The following TBC1D15 variants were observed in gnomAD, a reference collection of about 807,000 sequenced individuals.
TBC1D15 encodes the protein GAP for RAB7.
A neutral mutation model predicts 95.4 loss-of-function variants in TBC1D15; 39 were observed. The ratio of observed to expected loss-of-function variants is 0.41; its 90% CI spans 0.32 to 0.53. The LOEUF (loss-of-function observed/expected upper bound fraction) is 0.53. Ranked by LOEUF, TBC1D15 falls within the 20% of genes least tolerant of loss-of-function variation. The pLI, the probability that TBC1D15 is intolerant of heterozygous loss-of-function variation, is 0.29. For synonymous variants in TBC1D15, 258 were observed against 261.3 expected (o/e 0.99, Z 0.12); for missense variants, 733 against 794.3 (o/e 0.92, Z 0.93).
At chr12:71,878,717 A>G (rs1053301246) in intron 3 of TBC1D15, among the ~76,000 whole-genome samples, 6 of 151,394 alleles carry the variant, frequency 4.0e-5, no homozygotes, top group South Asian at 2.1e-4. Flanking sequence ...GGGTTTTGCC[A>G]TGTTGTCCAG....
At position 71,846,272 on chromosome 12, in the gene TBC1D15, G is replaced by A. The variant is rs1200332291; in HGVS notation, c.30+6461G>A. Reference sequence around the variant, plus strand: ...GGAAGTTTTATAAATGTACTTATCTGCTTGGGCATCTTAGCAAATATTTAA... The same window carrying A: ...GGAAGTTTTATAAATGTACTTATCTACTTGGGCATCTTAGCAAATATTTAA... On this transcript the variant is annotated intron_variant, in intron 1 of 16. Coordinates refer to ENST00000485960, the MANE Select transcript of TBC1D15 (RefSeq NM_001146213.3). 3.3e-5 allele frequency among the ~76,000 whole-genome samples: 5 copies of A among 152,148 alleles called. No individual in the cohort carries two copies. In the East Asian group the frequency reaches 9.6e-4, roughly 29 times the overall value.
chr12:71,844,274 G>T (rs1885773390), intron 1 of TBC1D15, among the ~76,000 whole-genome samples: 1 of 152,144 alleles, frequency 6.6e-6, no homozygotes, highest in African/African-American at 2.4e-5. Flanking sequence ...TCTGTCTTCA[G>T]GATAAATTTC....
intron 1 of TBC1D15, among the ~76,000 whole-genome samples, chr12:71,840,880 T>A (rs1884808189): frequency 1.3e-5 from 2 of 152,218 alleles, no homozygotes. Flanking sequence ...AATTGGGCAA[T>A]TGTGACTTTT....
intron 5 of TBC1D15, among the ~76,000 whole-genome samples, chr12:71,892,534 G>A (rs7310115): frequency 0.028 from 4,192 of 151,956 alleles, 196 homozygotes; most frequent in African/African-American, 0.094. Context: ...GTCTGTTTTG[G>A]AAACATTTTG....
chr12:71,908,958 G>A (rs916340029), intron 11 of TBC1D15, among the ~76,000 whole-genome samples: 27 of 152,150 alleles, frequency 1.8e-4, no homozygotes, highest in African/African-American at 6.0e-4. Flanking sequence ...TTTAGTTTCT[G>A]TTACCACTGT....
intron 1 of TBC1D15, among the ~76,000 whole-genome samples, chr12:71,870,729 T>C (rs1271859004): frequency 1.3e-5 from 2 of 152,254 alleles, no homozygotes; most frequent in East Asian, 3.8e-4. Context: ...TTCACACAAA[T>C]GGGCTTCTCA....
At chr12:71,859,207 A>G (rs946065017) in intron 1 of TBC1D15, among the ~76,000 whole-genome samples, 1 of 152,186 alleles carries the variant, frequency 6.6e-6, no homozygotes, top group African/African-American at 2.4e-5. Context: ...CCAGTAGCAT[A>G]GATTCAAGTT....
At chr12:71,853,268 A>G (rs899699249) in intron 1 of TBC1D15, among the ~76,000 whole-genome samples, 2 of 152,178 alleles carry the variant, frequency 1.3e-5, no homozygotes, top group Non-Finnish European at 2.9e-5. Context: ...AGAACTCACT[A>G]TTGACATGAC....
At chr12:71,880,652 A>G in intron 4 of TBC1D15, 45 bp downstream of exon 4, 11 of 1,529,718 alleles carry the variant, frequency 7.2e-6, no homozygotes, top group Non-Finnish European at 9.6e-6. Flanking sequence ...TTGCTACAGT[A>G]TACTAATAAA....
chr12:71,841,435 T>C (rs1884974484), intron 1 of TBC1D15, among the ~76,000 whole-genome samples: 1 of 152,174 alleles, frequency 6.6e-6, no homozygotes, highest in Non-Finnish European at 1.5e-5. Context: ...GAAACTAGTT[T>C]TCCATGCCAA....
intron 4 of TBC1D15, among the ~76,000 whole-genome samples, chr12:71,882,074 T>C (rs989196492): frequency 2.0e-5 from 3 of 151,836 alleles, no homozygotes; most frequent in Admixed American, 6.6e-5. Context: ...AAAGTTTTTT[T>C]CCCCCCAAAG....
At chr12:71,912,311 G>T (rs1470841770) in intron 11 of TBC1D15, among the ~76,000 whole-genome samples, 2 of 152,022 alleles carry the variant, frequency 1.3e-5, no homozygotes, top group African/African-American at 4.8e-5. Context: ...TAACTTCATT[G>T]TCTGGTACTG....
chr12:71,875,020 A>G (rs943481217), intron 3 of TBC1D15, among the ~76,000 whole-genome samples: 3 of 149,876 alleles, frequency 2.0e-5, no homozygotes, highest in Non-Finnish European at 4.5e-5. Flanking sequence ...GCTCACTGCA[A>G]CCTCCGCCTC....
chr12:71,892,654 A>T (rs1237623903), intron 5 of TBC1D15, among the ~76,000 whole-genome samples: 1 of 151,850 alleles, frequency 6.6e-6, no homozygotes, highest in Non-Finnish European at 1.5e-5. Context: ...TTGTTAAAAT[A>T]TGTTCATATG....
intron 3 of TBC1D15, among the ~76,000 whole-genome samples, chr12:71,878,313 T>G (rs893585403): frequency 4.5e-4 from 69 of 152,198 alleles, no homozygotes; most frequent in African/African-American, 1.6e-3. Context: ...AGTTGTCCTG[T>G]CTTCAGGTTG....
chr12:71,854,796 G>A (rs1458371987), intron 1 of TBC1D15: 1 of 456,656 alleles, frequency 2.2e-6, no homozygotes, highest in Admixed American at 2.3e-5. Context: ...TTCGCTTGGT[G>A]ACAGGTGGTG....
Position 71,884,862 on chromosome 12 carries a change from T to G in TBC1D15, c.395T>G (p.Leu132Trp). 1 of 1,614,026 alleles carries G rather than the reference T, an allele frequency of 6.2e-7. No individual in the cohort carries two copies. The highest frequency in any genetic ancestry group is 8.5e-7 in the Non-Finnish European group (1 of 1,179,932). The change falls in exon 5 of 17, where the codon TTG (leucine) becomes TGG (tryptophan). Residue 132 changes from leucine to tryptophan, a missense_variant. By Grantham distance (61) the Leu-to-Trp change is moderately conservative. Coordinates refer to ENST00000485960, the MANE Select transcript of TBC1D15 (RefSeq NM_001146213.3). ...AGCAAATGGTCATTCCTGTTCAGTTTGACAGACCTGAAATCAATCAAGCAA... is the reference window on the plus strand; with the variant it reads ...AGCAAATGGTCATTCCTGTTCAGTTGGACAGACCTGAAATCAATCAAGCAA... Reference protein sequence around the residue: ...GKSKWSFLFSLTDLKSIKQNK... With the variant: ...GKSKWSFLFSWTDLKSIKQNK...
At chr12:71,885,808 G>A (rs1449528863) in intron 5 of TBC1D15, among the ~76,000 whole-genome samples, 2 of 152,112 alleles carry the variant, frequency 1.3e-5, no homozygotes, top group Admixed American at 6.6e-5. Context: ...AAAAATGAGT[G>A]ACCACTATAA....
intron 1 of TBC1D15, among the ~76,000 whole-genome samples, chr12:71,857,102 ATTT>A (rs1020699896): frequency 2.0e-5 from 3 of 150,340 alleles, no homozygotes; most frequent in African/African-American, 7.4e-5. Context: ...ATTTTTTTAA[ATTT>A]ATTATTTTTT....
Sources: gnomAD v4.1 joint callset for allele counts (sites outside exome capture counted in the v4.1 genomes callset) on GRCh38, gnomAD v4.1.1 for gene constraint, MANE v1.5 for transcripts, NCBI Gene and HGNC (gene_info 2026-07-23, HGNC 2026-07-21) for gene names.